The following PGCKA1 variants were observed in gnomAD, a reference collection of about 807,000 sequenced individuals.
The protein encoded by PGCKA1 is PDCD10 and GCKIII kinases-associated protein 1.
At chr4:37,491,293 C>T in the PGCKA1 span, among the ~76,000 whole-genome samples, 436 of 152,304 alleles carry the variant, frequency 2.9e-3, 3 homozygotes, top group African/African-American at 0.01. Context: ...GTCCACACCA[C>T]AGGCAGTTAA....
the PGCKA1 span, among the ~76,000 whole-genome samples, chr4:37,476,761 A>T: frequency 6.6e-6 from 1 of 152,240 alleles, no homozygotes; most frequent in African/African-American, 2.4e-5. Context: ...GTTCTGTATT[A>T]AAAATAATTT....
chr4:37,569,359 A>G, the PGCKA1 span, among the ~76,000 whole-genome samples: 155 of 151,670 alleles, frequency 1.0e-3, no homozygotes, highest in Non-Finnish European at 1.8e-3. Context: ...CACCACGCCC[A>G]GCTAATTTTT....
chr4:37,533,330 G>A, the PGCKA1 span, among the ~76,000 whole-genome samples: 2 of 152,068 alleles, frequency 1.3e-5, no homozygotes, highest in East Asian at 1.9e-4. Context: ...AATTAAAGGG[G>A]GGTTAAGAGT....
At chr4:37,455,817 C>T in the PGCKA1 span, among the ~76,000 whole-genome samples, 1 of 152,196 alleles carries the variant, frequency 6.6e-6, no homozygotes, top group Non-Finnish European at 1.5e-5. Context: ...AGGGCCGGCC[C>T]CTTTCCTCCT....
the PGCKA1 span, among the ~76,000 whole-genome samples, chr4:37,583,653 G>T: frequency 6.6e-6 from 1 of 151,984 alleles, no homozygotes; most frequent in African/African-American, 2.4e-5. Flanking sequence ...TAGCCAGGAT[G>T]GTCTCGATCT....
the PGCKA1 span, among the ~76,000 whole-genome samples, chr4:37,495,924 T>C: frequency 3.9e-5 from 6 of 152,198 alleles, no homozygotes; most frequent in African/African-American, 1.4e-4. Context: ...ATTTTTCTTT[T>C]TTTCTTGTAG....
the PGCKA1 span, among the ~76,000 whole-genome samples, chr4:37,456,379 T>C: frequency 6.6e-6 from 1 of 152,218 alleles, no homozygotes; most frequent in African/African-American, 2.4e-5. Context: ...GTTAAAATCT[T>C]CAGGACTGTA....
At chr4:37,478,130 T>A in the PGCKA1 span, among the ~76,000 whole-genome samples, 1 of 141,718 alleles carries the variant, frequency 7.1e-6, no homozygotes, top group African/African-American at 2.6e-5. Flanking sequence ...TTTTTATTTT[T>A]ATTTTAAAAA....
chr4:37,482,080 T>C, the PGCKA1 span, among the ~76,000 whole-genome samples: 1 of 152,200 alleles, frequency 6.6e-6, no homozygotes, highest in Non-Finnish European at 1.5e-5. Context: ...CTCTTTCTCT[T>C]TGTAAATTAC....
the PGCKA1 span, among the ~76,000 whole-genome samples, chr4:37,550,457 G>C: frequency 6.6e-6 from 1 of 152,162 alleles, no homozygotes; most frequent in Admixed American, 6.5e-5. Flanking sequence ...TTGGAAACAG[G>C]ATTAAAAAGG....
the PGCKA1 span, among the ~76,000 whole-genome samples, chr4:37,453,728 T>G: frequency 6.6e-6 from 1 of 152,224 alleles, no homozygotes; most frequent in African/African-American, 2.4e-5. Flanking sequence ...GCGTGGATTT[T>G]CTGCTTCAGT....
At chr4:37,505,002 C>A in the PGCKA1 span, among the ~76,000 whole-genome samples, 1 of 152,260 alleles carries the variant, frequency 6.6e-6, no homozygotes, top group East Asian at 1.9e-4. Context: ...TGTTCCAGAT[C>A]TTAGAGGAAA....
chr4:37,568,221 G>A, the PGCKA1 span, among the ~76,000 whole-genome samples: 2 of 152,184 alleles, frequency 1.3e-5, no homozygotes, highest in Non-Finnish European at 2.9e-5. Flanking sequence ...AGGGCCACCT[G>A]TCACTGAGAA....
chr4:37,497,403 C>T, the PGCKA1 span, among the ~76,000 whole-genome samples: 1 of 152,102 alleles, frequency 6.6e-6, no homozygotes, highest in Non-Finnish European at 1.5e-5. Flanking sequence ...CATGCGTGTG[C>T]AAGTATCTTT....
chr4:37,550,251 G>T, the PGCKA1 span, among the ~76,000 whole-genome samples: 1 of 152,074 alleles, frequency 6.6e-6, no homozygotes, highest in African/African-American at 2.4e-5. Context: ...TAGAACAGAA[G>T]AAAGAGGGGT....
chr4:37,493,541 A>T, the PGCKA1 span, among the ~76,000 whole-genome samples: 2 of 152,370 alleles, frequency 1.3e-5, no homozygotes, highest in East Asian at 3.9e-4. Context: ...ATATCATGGC[A>T]TGAATGATTA....
At chr4:37,488,939 A>T in the PGCKA1 span, among the ~76,000 whole-genome samples, 1 of 152,138 alleles carries the variant, frequency 6.6e-6, no homozygotes, top group African/African-American at 2.4e-5. Flanking sequence ...AAACCCATTT[A>T]AAAAACACAG....
the PGCKA1 span, among the ~76,000 whole-genome samples, chr4:37,544,555 C>G: frequency 7.0e-6 from 1 of 143,850 alleles, no homozygotes. Flanking sequence ...ATCTCTTTTG[C>G]TAATTTATGT....
At chr4:37,586,249 C>T in the PGCKA1 span, among the ~76,000 whole-genome samples, 9 of 152,096 alleles carry the variant, frequency 5.9e-5, no homozygotes, top group African/African-American at 1.4e-4. Context: ...AACACCTGGG[C>T]GACACGGCTG....
Sources: allele counts gnomAD v4.1 joint callset (sites outside exome capture counted in the v4.1 genomes callset), GRCh38; gene constraint gnomAD v4.1.1; transcripts MANE v1.5; gene names NCBI Gene and HGNC (gene_info 2026-07-23, HGNC 2026-07-21).